The following ARHGAP32 variants were observed in gnomAD, a reference collection of about 807,000 sequenced individuals.
ARHGAP32 encodes the protein Rho GTPase activating protein 32, also known as rho GTPase-activating protein 32.
A neutral mutation model predicts 186.5 loss-of-function variants in ARHGAP32; 51 were observed. That is an observed-to-expected ratio of 0.27 (90% confidence interval 0.22 to 0.35). ARHGAP32 has a LOEUF of 0.35. Among genes scored for constraint, ARHGAP32 ranks in the 10% least tolerant of loss-of-function variants. The pLI is 1.00. For missense variants in ARHGAP32, 2,186 were observed against 2,623.5 expected (o/e 0.83, Z 3.64); for synonymous variants, 950 against 964.3 (o/e 0.99, Z 0.27).
intron 2 of ARHGAP32, among the ~76,000 whole-genome samples, chr11:129,154,280 T>C (rs1943353979): frequency 6.6e-6 from 1 of 152,186 alleles, no homozygotes; most frequent in Admixed American, 6.5e-5. Flanking sequence ...ACATTGCTGA[T>C]GGGAATGTAA....
intron 11 of ARHGAP32, among the ~76,000 whole-genome samples, chr11:129,007,548 T>C (rs1263437197): frequency 3.3e-5 from 5 of 151,984 alleles, no homozygotes; most frequent in African/African-American, 1.2e-4. Flanking sequence ...CTCACAACTC[T>C]CACCAGTGCC....
intron 10 of ARHGAP32, among the ~76,000 whole-genome samples, chr11:129,050,988 C>G (rs1033798136): frequency 2.6e-5 from 4 of 152,150 alleles, no homozygotes; most frequent in African/African-American, 9.7e-5. Flanking sequence ...TTTTTTATGG[C>G]TGCATAGTAT....
At chr11:129,069,098 T>C (rs1940790168) in intron 6 of ARHGAP32, among the ~76,000 whole-genome samples, 1 of 152,096 alleles carries the variant, frequency 6.6e-6, no homozygotes, top group South Asian at 2.1e-4. Context: ...ACAGTGTTTT[T>C]AGAAACTGCA....
chr11:129,212,452 A>T (rs1944593560), intron 1 of ARHGAP32, among the ~76,000 whole-genome samples: 1 of 152,178 alleles, frequency 6.6e-6, no homozygotes, highest in East Asian at 1.9e-4. Flanking sequence ...GGCAAGTCAC[A>T]ATCATCTTTT....
At chr11:129,019,553 T>G (rs577318928) in intron 11 of ARHGAP32, among the ~76,000 whole-genome samples, 1 of 152,160 alleles carries the variant, frequency 6.6e-6, no homozygotes, top group Non-Finnish European at 1.5e-5. Context: ...ATGTAATAAG[T>G]TATCAGAATT....
chr11:129,170,838 C>T (rs1943744473), intron 1 of ARHGAP32, among the ~76,000 whole-genome samples: 1 of 152,158 alleles, frequency 6.6e-6, no homozygotes, highest in Admixed American at 6.5e-5. Context: ...TCTATTGTTT[C>T]CTGACTTTTT....
rs776783221 is a variant in ARHGAP32 at position 128,969,404 on chromosome 11, A to C, written c.5809T>G (p.Ser1937Ala). The C allele has an allele frequency of 1.2e-6, 2 of 1,614,082 alleles. No individual in the cohort carries two copies. The highest frequency in any genetic ancestry group is 1.7e-5 in the Admixed American group (1 of 60,010). The part of the protein sequence containing the change: ...DTSEPVSYHN[S>A]GVKYAASGQE... ...CCGGATGCAGCATATTTTACTCCAGAGTTGTGGTAGCTGACTGGCTCAGAA... is the reference window on the plus strand; with the variant it reads ...CCGGATGCAGCATATTTTACTCCAGCGTTGTGGTAGCTGACTGGCTCAGAA... The change falls in exon 23 of 23, where the codon TCT (serine) becomes GCT (alanine). Residue 1937 changes from serine (S) to alanine (A), a missense_variant. Ser to Ala is a moderately conservative substitution (Grantham distance 99, BLOSUM62 1). Coordinates refer to ENST00000682385, the MANE Select transcript of ARHGAP32 (RefSeq NM_001378024.1). This position sits in a 1 kb window ranked among gnomAD's most constrained non-coding sequence, Gnocchi z 4.8.
At chr11:129,152,138 G>A (rs1943301489) in intron 2 of ARHGAP32, among the ~76,000 whole-genome samples, 1 of 152,088 alleles carries the variant, frequency 6.6e-6, no homozygotes, top group African/African-American at 2.4e-5. Flanking sequence ...ATAACTTCCT[G>A]GAAATATACA....
chr11:129,079,831 A>T (rs1941168709), intron 6 of ARHGAP32, among the ~76,000 whole-genome samples: 1 of 152,224 alleles, frequency 6.6e-6, no homozygotes. Context: ...AGAATTCACC[A>T]ACCAAGTATC....
At chr11:129,242,951 G>T (rs935311409) in intron 1 of ARHGAP32, among the ~76,000 whole-genome samples, 2 of 151,984 alleles carry the variant, frequency 1.3e-5, no homozygotes, top group African/African-American at 4.8e-5. Flanking sequence ...ATTTTCCCAT[G>T]ACAACTTCAT....
At chr11:129,254,124 C>G (rs1945223646) in intron 1 of ARHGAP32, among the ~76,000 whole-genome samples, 1 of 152,012 alleles carries the variant, frequency 6.6e-6, no homozygotes, top group African/African-American at 2.4e-5. Flanking sequence ...ATTTGACAAG[C>G]ATGACCCCTA....
At chr11:128,989,869 G>C (rs1033774520) in intron 12 of ARHGAP32, among the ~76,000 whole-genome samples, 1 of 152,044 alleles carries the variant, frequency 6.6e-6, no homozygotes, top group Non-Finnish European at 1.5e-5. Flanking sequence ...CTTCATCCAT[G>C]TCCCTGCAAA....
At chr11:128,974,084 CTCT>C (rs761979739) in intron 21 of ARHGAP32, 37 bp downstream of exon 21, 1 of 1,602,790 alleles carries the variant, frequency 6.2e-7, no homozygotes, top group Non-Finnish European at 8.5e-7. Flanking sequence ...TTGAAGATCC[CTCT>C]TAACTTAAAG....
intron 1 of ARHGAP32, among the ~76,000 whole-genome samples, chr11:129,255,229 C>T (rs1489475860): frequency 1.3e-5 from 2 of 152,054 alleles, no homozygotes; most frequent in Admixed American, 6.6e-5. Context: ...CGAGTAACGA[C>T]CCACACGTAT....
intron 1 of ARHGAP32, among the ~76,000 whole-genome samples, chr11:129,174,311 A>C (rs1591672103): frequency 6.6e-6 from 1 of 152,164 alleles, no homozygotes; most frequent in Non-Finnish European, 1.5e-5. Context: ...AGTCTCGCTG[A>C]TTGCTAGCAC....
chr11:129,231,147 T>C lies in ARHGAP32; in HGVS notation c.-5+47999A>G, dbSNP rs369313472. Reference sequence around the variant, plus strand: ...AGACGCCATCTCAAAAAGTAGAAAATTTAAATTTAAAAAGTAATTTTTCAT... The same window carrying C: ...AGACGCCATCTCAAAAAGTAGAAAACTTAAATTTAAAAAGTAATTTTTCAT... On this transcript the variant is annotated intron_variant, in intron 1 of 6. Transcript: ENST00000525234. Among the ~76,000 whole-genome samples the C allele has an allele frequency of 1.8e-4, 28 of 152,102 alleles. No homozygotes were observed. The East Asian group carries it at 4.8e-3, about 26-fold the overall frequency.
intron 1 of ARHGAP32, among the ~76,000 whole-genome samples, chr11:129,227,796 A>C (rs564652826): frequency 6.6e-6 from 1 of 152,156 alleles, no homozygotes; most frequent in South Asian, 2.1e-4. Context: ...ACAATAATAG[A>C]GACATGTATC....
intron 2 of ARHGAP32, among the ~76,000 whole-genome samples, chr11:129,158,457 C>G (rs1053558207): frequency 3.4e-5 from 5 of 148,926 alleles, no homozygotes; most frequent in Non-Finnish European, 7.4e-5. Flanking sequence ...CTGTAAACCA[C>G]AGAGATCAAA....
chr11:129,242,311 C>T (rs1945029528), intron 1 of ARHGAP32, among the ~76,000 whole-genome samples: 1 of 152,168 alleles, frequency 6.6e-6, no homozygotes, highest in Non-Finnish European at 1.5e-5. Flanking sequence ...ACACAAATGT[C>T]ATAACCTCAA....
Sources: gnomAD v4.1 joint callset for allele counts (sites outside exome capture counted in the v4.1 genomes callset) on GRCh38, gnomAD v4.1.1 for gene constraint, Gnocchi (gnomAD v3.1) non-coding constraint, MANE v1.5 for transcripts, NCBI Gene and HGNC (gene_info 2026-07-23, HGNC 2026-07-21) for gene names.